The following TBX18 variants were observed in gnomAD, a reference collection of about 807,000 sequenced individuals.
TBX18 encodes T-box transcription factor 18, also known as T-box transcription factor TBX18.
TBX18 carries 21 observed loss-of-function variants against 55.0 expected under a neutral mutation model. The observed-to-expected ratio is 0.38, with a 90% confidence interval of 0.27 to 0.55. TBX18 has a LOEUF of 0.55. TBX18 is among the 20% of genes least tolerant of loss of function. TBX18 has a pLI of 0.73. For synonymous variants in TBX18, 342 were observed against 326.1 expected (o/e 1.05, Z -0.53); for missense variants, 840 against 799.6 (o/e 1.05, Z -0.61).
rs546686776 is a variant in TBX18 at position 84,750,283 on chromosome 6, C to CAAAAA, written c.772-2201_772-2197dup. On this transcript the variant is annotated intron_variant, in intron 4 of 7. Transcript: ENST00000369663. The stretch of plus-strand genomic sequence containing the variant: ...CTGGTGACAGAGCGAGATTCTATCT[C>CAAAAA]AAAAAAAAAAAAAAAAAAGGCATAA... 1.7e-4 allele frequency among the ~76,000 whole-genome samples: 16 copies of CAAAAA among 94,654 alleles called. No homozygotes were observed. In the South Asian group the frequency reaches 3.4e-3, roughly 20 times the overall value. The allele number at this position is 94,654 out of a possible 152,430, so 62.1% of individuals were successfully genotyped here. A position where few individuals can be genotyped will look rare whatever the true frequency, so the allele number is the denominator to read the frequency against.
rs1262457795 is a variant in TBX18 at position 84,735,197 on chromosome 6, T to A, written c.*1488A>T. The A allele has an allele frequency of 6.6e-6, 1 of 152,190 alleles. No individual in the cohort carries two copies. 9.4% of individuals were successfully genotyped at this position (152,190 alleles called of 1,614,324 possible). ...TAATGAATGGGTCAATGCACAGACATGTTATTTCGCTTTCTCCTCAGAAGG... is the reference window on the plus strand; with the variant it reads ...TAATGAATGGGTCAATGCACAGACAAGTTATTTCGCTTTCTCCTCAGAAGG... On this transcript the variant is annotated 3_prime_UTR_variant, in exon 8 of 8. Coordinates refer to ENST00000369663, the MANE Select transcript of TBX18 (RefSeq NM_001080508.3).
At chr6:84,753,745 T>A (rs1433795822) in intron 4 of TBX18, among the ~76,000 whole-genome samples, 1 of 152,142 alleles carries the variant, frequency 6.6e-6, no homozygotes, top group Non-Finnish European at 1.5e-5. Flanking sequence ...TCATTTAGGG[T>A]CATCAAGCTG....
At chr6:84,748,168 A>C in intron 4 of TBX18, 81 bp from the exon 5 acceptor site, 1 of 1,045,852 alleles carries the variant, frequency 9.6e-7, no homozygotes, top group Non-Finnish European at 1.3e-6. Flanking sequence ...TAATGTGTAC[A>C]ATCAATTCTG....
At chr6:84,748,563 A>G (rs910733726) in intron 4 of TBX18, among the ~76,000 whole-genome samples, 4 of 152,194 alleles carry the variant, frequency 2.6e-5, no homozygotes, top group African/African-American at 9.6e-5. Context: ...TCAAGGGCAA[A>G]GGGAATTTTA....
At position 84,736,796 on chromosome 6, in the gene TBX18, A is replaced by G; in HGVS notation, c.1713T>C (p.Pro571=). 1.2e-6 allele frequency: 2 copies of G among 1,614,118 alleles called. No homozygotes were observed. Among genetic ancestry groups the G allele is most frequent in the Non-Finnish European group, 1.7e-6 (2 of 1,180,004 alleles). The change falls in exon 8 of 8, where the codon CCT becomes CCC. Residue 571 remains proline (P), a synonymous_variant. Transcript: ENST00000369663. ...TGCTAAGCAGGTGCACTCCTTCCAC[A>G]GGGGGCAACATCTGCCGATCCGTCA... The part of the protein sequence containing the change: ...GTMTDRQMLP[P]VEGVHLLSSG...
intron 5 of TBX18, among the ~76,000 whole-genome samples, chr6:84,747,676 C>T (rs372279186): frequency 6.6e-6 from 1 of 151,706 alleles, no homozygotes; most frequent in South Asian, 2.1e-4. Context: ...AATTCAAAAG[C>T]TCAAAATGGA....
chr6:84,756,633 T>C (rs1767495391), intron 4 of TBX18, 65 bp downstream of exon 4: 1 of 1,449,576 alleles, frequency 6.9e-7, no homozygotes. Flanking sequence ...TCATTTCCTT[T>C]AGTCAGGCAC....
At chr6:84,752,806 A>T (rs928113756) in intron 4 of TBX18, among the ~76,000 whole-genome samples, 4 of 152,162 alleles carry the variant, frequency 2.6e-5, no homozygotes, top group African/African-American at 9.7e-5. Flanking sequence ...CTGGGAGTAC[A>T]GGTCTTCCCA....
chr6:84,738,054 G>A (rs1046606385), intron 7 of TBX18, among the ~76,000 whole-genome samples: 1 of 152,148 alleles, frequency 6.6e-6, no homozygotes, highest in Non-Finnish European at 1.5e-5. Flanking sequence ...AATATTCAGA[G>A]ATGAGCCCAG....
chr6:84,748,124 C>G, intron 4 of TBX18, 37 bp from the exon 5 acceptor site: 1 of 1,540,936 alleles, frequency 6.5e-7, no homozygotes, highest in Non-Finnish European at 8.9e-7. Context: ...TTATCAGAAG[C>G]CTCTGCCCAA....
intron 6 of TBX18, among the ~76,000 whole-genome samples, chr6:84,743,019 T>C (rs1357403559): frequency 6.6e-6 from 1 of 152,172 alleles, no homozygotes; most frequent in African/African-American, 2.4e-5. Context: ...AAGCAATTTT[T>C]TTCTCTACAT....
At chr6:84,750,893 T>TC (rs1053726181) in intron 4 of TBX18, among the ~76,000 whole-genome samples, 2 of 152,164 alleles carry the variant, frequency 1.3e-5, no homozygotes, top group Non-Finnish European at 2.9e-5. Context: ...ACTCTGTTTT[T>TC]CCCCCTCCCT....
intron 4 of TBX18, among the ~76,000 whole-genome samples, chr6:84,753,079 T>C (rs1273141062): frequency 6.6e-6 from 1 of 152,206 alleles, no homozygotes. Flanking sequence ...TTCATTTGTA[T>C]AAAAGCCAGC....
chr6:84,756,787 A>G lies in TBX18; in HGVS notation c.682T>C (p.Ser228Pro). The change falls in exon 4 of 8, where the codon TCG (serine) becomes CCG (proline). Residue 228 changes from serine (S) to proline (P), a missense_variant. Physicochemically the swap from Ser to Pro is moderately conservative, Grantham distance 74 (BLOSUM62 -1). Coordinates refer to ENST00000369663, the MANE Select transcript of TBX18 (RefSeq NM_001080508.3). ...VPPRVYIHPD[S>P]PASGETWMRQ... is the part of the protein sequence containing the mutation. ...ATCCAAGTCTCCCCCGAGGCAGGCG[A>G]GTCTGGATGAATGTACACACGGGGT... is the stretch of plus-strand genomic sequence containing the variant. 6.2e-7 allele frequency: 1 copy of G among 1,614,108 alleles called. No homozygotes were observed. Among genetic ancestry groups the G allele is most frequent in the Non-Finnish European group, 8.5e-7 (1 of 1,180,016 alleles).
chr6:84,744,129 G>T, intron 6 of TBX18, 132 bp downstream of exon 6: 1 of 808,352 alleles, frequency 1.2e-6, no homozygotes, highest in Non-Finnish European at 1.9e-6. Flanking sequence ...TATCTCCGAG[G>T]CACAACAGTC....
intron 4 of TBX18, among the ~76,000 whole-genome samples, chr6:84,755,813 C>T (rs77883937): frequency 6.6e-6 from 1 of 152,070 alleles, no homozygotes; most frequent in African/African-American, 2.4e-5. Flanking sequence ...AACTTCCAAA[C>T]CATATCCTGT....
intron 2 of TBX18, among the ~76,000 whole-genome samples, chr6:84,760,931 A>G (rs1445624025): frequency 6.6e-6 from 1 of 152,176 alleles, no homozygotes; most frequent in African/African-American, 2.4e-5. Flanking sequence ...TCTTTATTGA[A>G]AGCAGAAACT....
At chr6:84,754,410 T>A (rs1214753431) in intron 4 of TBX18, among the ~76,000 whole-genome samples, 5 of 152,208 alleles carry the variant, frequency 3.3e-5, no homozygotes, top group African/African-American at 1.2e-4. Flanking sequence ...ATTGTACAAG[T>A]ACATCTCTCT....
chr6:84,748,373 T>G (rs1400685591), intron 4 of TBX18, among the ~76,000 whole-genome samples: 1 of 152,172 alleles, frequency 6.6e-6, no homozygotes, highest in Admixed American at 6.5e-5. Context: ...AGGAATAAAT[T>G]AATAAGCATT....
Sources: allele counts gnomAD v4.1 joint callset (sites outside exome capture counted in the v4.1 genomes callset), GRCh38; gene constraint gnomAD v4.1.1; transcripts MANE v1.5; gene names NCBI Gene and HGNC (gene_info 2026-07-23, HGNC 2026-07-21).